Variants in ARHGAP42 observed in about 807,000 individuals in gnomAD.
ARHGAP42 encodes the protein Rho GTPase activating protein 42, also known as rho GTPase-activating protein 42.
In ARHGAP42, 63 loss-of-function variants were observed where a neutral mutation model predicts 125.0. That is an observed-to-expected ratio of 0.50 (90% CI 0.41 to 0.62). The LOEUF is 0.62. Ranked by LOEUF, ARHGAP42 falls within the 20% of genes least tolerant of loss-of-function variation. The pLI, the probability that ARHGAP42 is intolerant of heterozygous loss-of-function variation, is 0.00. For synonymous variants in ARHGAP42, 339 were observed against 351.0 expected (o/e 0.97, Z 0.38); for missense variants, 766 against 1,024.2 (o/e 0.75, Z 3.44).
chr11:100,716,951 T>C (rs574741758), intron 1 of ARHGAP42, among the ~76,000 whole-genome samples: 54 of 152,334 alleles, frequency 3.5e-4, no homozygotes, highest in African/African-American at 1.3e-3. Context: ...GGATGAGCTC[T>C]TGAGATACTT....
rs1298576671 is a variant in ARHGAP42 at position 100,773,159 on chromosome 11, T to C, written c.250+2721T>C. 3.3e-5 allele frequency among the ~76,000 whole-genome samples: 5 copies of C among 152,194 alleles called. No homozygotes were observed. The East Asian group carries it at 5.8e-4, about 18-fold the overall frequency. ...GCCTTCACTTAGTTATATTAAGCTA[T>C]AAATTCCATGAAGGCAGAAGCCAGA... On this transcript the variant is annotated intron_variant, in intron 2 of 23. Coordinates refer to ENST00000298815, the MANE Select transcript of ARHGAP42 (RefSeq NM_152432.4).
chr11:100,860,120 G>T (rs1303455507), intron 4 of ARHGAP42, among the ~76,000 whole-genome samples: 2 of 151,802 alleles, frequency 1.3e-5, no homozygotes, highest in Non-Finnish European at 2.9e-5. Context: ...TCTGAAATTT[G>T]CCTGTATCCT....
chr11:100,903,709 A>AATATAT (rs139506492), intron 4 of ARHGAP42, among the ~76,000 whole-genome samples: 929 of 62,694 alleles, frequency 0.015, 15 homozygotes, highest in Admixed American at 0.019. Flanking sequence ...TGTCCCTCAA[A>AATATAT]ATATATATAT....
chr11:100,847,787 C>G (rs773377912), intron 3 of ARHGAP42, among the ~76,000 whole-genome samples: 6 of 152,036 alleles, frequency 3.9e-5, no homozygotes, highest in Non-Finnish European at 7.4e-5. Context: ...AGTAGAGAAG[C>G]CTGGGACCTG....
intron 1 of ARHGAP42, among the ~76,000 whole-genome samples, chr11:100,699,050 AC>A (rs1343237110): frequency 1.3e-5 from 2 of 151,806 alleles, no homozygotes; most frequent in African/African-American, 4.8e-5. Flanking sequence ...TGTTGGTGGT[AC>A]CTTCTCAGCC....
At chr11:100,793,069 T>A (rs1057352236) in intron 2 of ARHGAP42, among the ~76,000 whole-genome samples, 16 of 152,114 alleles carry the variant, frequency 1.1e-4, no homozygotes, top group South Asian at 2.1e-4. Flanking sequence ...TTTCTTTTTT[T>A]AAAAAACATA....
intron 3 of ARHGAP42, among the ~76,000 whole-genome samples, chr11:100,823,203 C>T (rs1181251125): frequency 6.6e-6 from 1 of 152,098 alleles, no homozygotes; most frequent in Admixed American, 6.5e-5. Flanking sequence ...GCACTGAAAT[C>T]TTTTTGAAGA....
intron 10 of ARHGAP42, among the ~76,000 whole-genome samples, chr11:100,946,225 G>T (rs1868012705): frequency 6.6e-6 from 1 of 152,052 alleles, no homozygotes; most frequent in East Asian, 1.9e-4. Context: ...GGGCCTTGCT[G>T]TGGAAAAGGC....
chr11:100,846,770 G>A (rs572442797), intron 3 of ARHGAP42, among the ~76,000 whole-genome samples: 2 of 152,176 alleles, frequency 1.3e-5, no homozygotes, highest in Admixed American at 1.3e-4. Flanking sequence ...ACTTAGCCTA[G>A]GAATATTAGG....
intron 4 of ARHGAP42, among the ~76,000 whole-genome samples, chr11:100,867,056 A>G (rs902782304): frequency 1.3e-5 from 2 of 152,232 alleles, no homozygotes; most frequent in Non-Finnish European, 1.5e-5. Flanking sequence ...AATATTCAGT[A>G]AACTACAATG....
chr11:100,691,008 AGT>A (rs1225251584), intron 1 of ARHGAP42, among the ~76,000 whole-genome samples: 16 of 152,230 alleles, frequency 1.1e-4, no homozygotes, highest in African/African-American at 3.9e-4. Flanking sequence ...TATCAAGTAC[AGT>A]GTGATAGTTG....
At chr11:100,806,250 T>C (rs145318750) in intron 3 of ARHGAP42, among the ~76,000 whole-genome samples, 1 of 152,316 alleles carries the variant, frequency 6.6e-6, no homozygotes, top group Non-Finnish European at 1.5e-5. Context: ...GTAGAATATT[T>C]TAAATATCGA....
chr11:100,926,473 A>G, intron 6 of ARHGAP42, among the ~76,000 whole-genome samples: 1 of 152,194 alleles, frequency 6.6e-6, no homozygotes. Context: ...AAAATTATAT[A>G]GTGTAGTTAT....
At chr11:100,888,026 T>G (rs997783795) in intron 4 of ARHGAP42, among the ~76,000 whole-genome samples, 2 of 152,228 alleles carry the variant, frequency 1.3e-5, no homozygotes, top group Non-Finnish European at 2.9e-5. Context: ...CTTTGTTACC[T>G]GCTCAAGCCC....
At chr11:100,715,781 C>G (rs76325702) in intron 1 of ARHGAP42, among the ~76,000 whole-genome samples, 150 of 152,266 alleles carry the variant, frequency 9.9e-4, no homozygotes, top group African/African-American at 3.4e-3. Flanking sequence ...TACTGGTGCA[C>G]TGTATTCTAC....
At position 100,935,677 on chromosome 11, in the gene ARHGAP42, C is replaced by CACACACAG. The variant is rs143859109; in HGVS notation, c.703-525_703-524insCACACAGA. Among the ~76,000 whole-genome samples, 104 of 146,704 alleles carry CACACACAG rather than the reference C, an allele frequency of 7.1e-4. 1 individual carries two copies. Among genetic ancestry groups the CACACACAG allele is most frequent in the Non-Finnish European group, 8.8e-4 (59 of 67,088 alleles). On this transcript the variant is annotated intron_variant, in intron 7 of 23. Transcript: ENST00000298815. ...AAGGTCACACACACACACACACACA[C>CACACACAG]AGAGAGAGAGAGAGAGAGATTCAAA... is the stretch of plus-strand genomic sequence containing the variant.
Position 100,806,837 on chromosome 11 carries a change from G to GTTTATTTA in ARHGAP42, c.312+11691_312+11698dup, listed in dbSNP as rs113368959. Among the ~76,000 whole-genome samples the GTTTATTTA allele has an allele frequency of 2.5e-3, 379 of 149,446 alleles. 2 individuals carry two copies. The highest frequency in any genetic ancestry group is 8.5e-3 in the African/African-American group (344 of 40,444). ...AAATTTTTTATTTGTTTGTTTGTTT[G>GTTTATTTA]TTTATTTATTTATTTATTTATTTAT... On this transcript the variant is annotated intron_variant, in intron 3 of 23. Transcript: ENST00000298815.
At chr11:100,758,288 T>C (rs1479792080) in intron 1 of ARHGAP42, among the ~76,000 whole-genome samples, 3 of 152,224 alleles carry the variant, frequency 2.0e-5, no homozygotes, top group African/African-American at 7.2e-5. Flanking sequence ...AATGTTTTTG[T>C]TAAGGCATGC....
intron 21 of ARHGAP42, among the ~76,000 whole-genome samples, chr11:100,977,852 G>A (rs1171905505): frequency 6.6e-6 from 1 of 152,096 alleles, no homozygotes; most frequent in African/African-American, 2.4e-5. Context: ...TTAATATGAT[G>A]GCATTCTTCC....
Sources: gnomAD v4.1 joint callset for allele counts (sites outside exome capture counted in the v4.1 genomes callset) on GRCh38, gnomAD v4.1.1 for gene constraint, MANE v1.5 for transcripts, NCBI Gene and HGNC (gene_info 2026-07-23, HGNC 2026-07-21) for gene names.